Variants in TMEM178B observed in about 807,000 individuals in gnomAD.
The protein encoded by TMEM178B is transmembrane protein 178B.
TMEM178B carries 5 observed loss-of-function variants against 31.0 expected under a neutral mutation model. The ratio of observed to expected loss-of-function variants is 0.16; its 90% CI spans 0.08 to 0.34. The LOEUF is 0.34. Among genes scored for constraint, TMEM178B ranks in the 10% least tolerant of loss-of-function variants. The pLI, the probability that TMEM178B is intolerant of heterozygous loss-of-function variation, is 1.00. For synonymous variants in TMEM178B, 164 were observed against 164.0 expected (o/e 1.00, Z 0.00); for missense variants, 275 against 400.3 (o/e 0.69, Z 2.67).
intron 2 of TMEM178B, among the ~76,000 whole-genome samples, chr7:141,371,205 A>T (rs1198404276): frequency 6.6e-6 from 1 of 152,162 alleles, no homozygotes; most frequent in East Asian, 1.9e-4. Flanking sequence ...AGGTGCTCGC[A>T]TTATGGGCTG....
rs547178936 is a variant in TMEM178B, at chr7:141,305,516, C to T, written c.496+92812C>T. On this transcript the variant is annotated intron_variant, in intron 2 of 3. Transcript: ENST00000565468. ...GATCTCGGCTCACTTCAACCCCCGC[C>T]TCCAGGATTCAAGCAATTCTCCTGC... Among the ~76,000 whole-genome samples the T allele has an allele frequency of 6.2e-4, 94 of 152,192 alleles. 1 individual carries two copies. The South Asian group carries it at 0.019, about 30-fold the overall frequency.
At chr7:141,165,662 C>A (rs2129182173) in intron 1 of TMEM178B, among the ~76,000 whole-genome samples, 1 of 152,306 alleles carries the variant, frequency 6.6e-6, no homozygotes. Context: ...AGGCATGTTC[C>A]TGGAAGTTCA....
chr7:141,160,441 A>G (rs909954117), intron 1 of TMEM178B, among the ~76,000 whole-genome samples: 1 of 152,168 alleles, frequency 6.6e-6, no homozygotes, highest in African/African-American at 2.4e-5. Flanking sequence ...TTGGCAGGTC[A>G]CTGCCTCCTC....
chr7:141,419,345 C>G (rs1423674870), intron 2 of TMEM178B, among the ~76,000 whole-genome samples: 2 of 152,210 alleles, frequency 1.3e-5, no homozygotes, highest in Non-Finnish European at 2.9e-5. Flanking sequence ...TTTTCCCCAT[C>G]ATCCAAACCA....
chr7:141,292,274 T>G (rs183507739), intron 2 of TMEM178B, among the ~76,000 whole-genome samples: 155 of 152,394 alleles, frequency 1.0e-3, no homozygotes, highest in Non-Finnish European at 1.1e-3. Context: ...TCTCCCCTCC[T>G]TCTCAACCTA....
At chr7:141,175,927 TTCC>T (rs1446342463) in intron 1 of TMEM178B, among the ~76,000 whole-genome samples, 1 of 152,192 alleles carries the variant, frequency 6.6e-6, no homozygotes, top group African/African-American at 2.4e-5. Context: ...ACTTCCTCTT[TTCC>T]TACTTGAATA....
chr7:141,402,110 G>A (rs949376197), intron 2 of TMEM178B, among the ~76,000 whole-genome samples: 1 of 152,188 alleles, frequency 6.6e-6, no homozygotes, highest in Non-Finnish European at 1.5e-5. Context: ...AAAGAAGGGT[G>A]AGCAACAGTC....
chr7:141,465,143 G>A (rs949730915), intron 3 of TMEM178B, among the ~76,000 whole-genome samples: 1 of 152,192 alleles, frequency 6.6e-6, no homozygotes, highest in African/African-American at 2.4e-5. Context: ...TCCTGCTGGG[G>A]AGAGCAGGAC....
chr7:141,337,367 A>G (rs1586900240), intron 2 of TMEM178B, among the ~76,000 whole-genome samples: 2 of 148,106 alleles, frequency 1.4e-5, no homozygotes, highest in Non-Finnish European at 1.5e-5. Context: ...CCACCCCACT[A>G]CCACTGCCAC....
intron 2 of TMEM178B, among the ~76,000 whole-genome samples, chr7:141,293,029 C>T (rs1316709581): frequency 6.6e-6 from 1 of 152,102 alleles, no homozygotes; most frequent in East Asian, 1.9e-4. Context: ...CAAAAGGGTC[C>T]TGTGAAATAA....
the TMEM178B span, among the ~76,000 whole-genome samples, chr7:141,485,537 A>G: frequency 1.5e-3 from 236 of 152,354 alleles, no homozygotes; most frequent in African/African-American, 5.4e-3. Context: ...TAGATACCAT[A>G]TAAGTATTTA....
intron 2 of TMEM178B, among the ~76,000 whole-genome samples, chr7:141,215,912 CTTT>C (rs769869162): frequency 3.7e-5 from 1 of 26,796 alleles, no homozygotes; most frequent in Non-Finnish European, 1.3e-4. Flanking sequence ...TTCTTTCTTT[CTTT>C]TTTTTTTTTT....
At chr7:141,496,626 C>T in the TMEM178B span, among the ~76,000 whole-genome samples, 18 of 139,160 alleles carry the variant, frequency 1.3e-4, no homozygotes, top group Non-Finnish European at 2.3e-4. Flanking sequence ...GCCGAGATCC[C>T]GCCACTGCAC....
chr7:141,175,379 T>G (rs2129183240), intron 1 of TMEM178B, among the ~76,000 whole-genome samples: 1 of 152,326 alleles, frequency 6.6e-6, no homozygotes, highest in East Asian at 1.9e-4. Flanking sequence ...GTAGTATAGT[T>G]TGACATCAGG....
At chr7:141,486,960 G>A in the TMEM178B span, among the ~76,000 whole-genome samples, 1 of 152,166 alleles carries the variant, frequency 6.6e-6, no homozygotes, top group South Asian at 2.1e-4. Context: ...AGAAGGAGAT[G>A]AGGGTATGGG....
chr7:141,112,742 GCT>G (rs1563091079), intron 1 of TMEM178B, among the ~76,000 whole-genome samples: 1 of 152,120 alleles, frequency 6.6e-6, no homozygotes, highest in African/African-American at 2.4e-5. Flanking sequence ...AAAGAGTGGC[GCT>G]CTCTCTTTTT....
Position 141,074,320 on chromosome 7 carries a change from G to C in TMEM178B, c.10G>C (p.Gly4Arg), listed in dbSNP as rs2129169989. Residue 4 changes from glycine to arginine, a missense_variant, in exon 1 of 4, where the codon GGA becomes CGA. Gly to Arg is a moderately radical substitution (Grantham distance 125, BLOSUM62 -2). Transcript: ENST00000565468. This position sits in a 1 kb window ranked among gnomAD's most constrained non-coding sequence, Gnocchi z 5.1. The part of the protein sequence containing the change: MAA[G>R]RLLLYTGLSL... The stretch of plus-strand genomic sequence containing the variant: ...GCCGCCAAGCGGAGGCATGGCTGCC[G>C]GAAGGTTACTGCTCTACACTGGCCT... The C allele has an allele frequency of 6.6e-7, 1 of 1,517,140 alleles. No homozygotes were observed. Among genetic ancestry groups the C allele is most frequent in the Non-Finnish European group, 8.8e-7 (1 of 1,133,876 alleles). The allele number at this position is 1,517,140 out of a possible 1,614,324, so 94.0% of individuals were successfully genotyped here.
At chr7:141,230,386 T>TA (rs937696026) in intron 2 of TMEM178B, among the ~76,000 whole-genome samples, 8 of 152,338 alleles carry the variant, frequency 5.3e-5, no homozygotes, top group Admixed American at 4.6e-4. Flanking sequence ...ATTTGATTGA[T>TA]AAAAAAAGTT....
chr7:141,287,292 A>T (rs1404329551), intron 2 of TMEM178B, among the ~76,000 whole-genome samples: 1 of 151,872 alleles, frequency 6.6e-6, no homozygotes, highest in Non-Finnish European at 1.5e-5. Context: ...AGTGGATAGG[A>T]CTCTATACTG....
Sources: gnomAD v4.1 joint callset for allele counts (sites outside exome capture counted in the v4.1 genomes callset) on GRCh38, gnomAD v4.1.1 for gene constraint, Gnocchi (gnomAD v3.1) non-coding constraint, MANE v1.5 for transcripts, NCBI Gene and HGNC (gene_info 2026-07-23, HGNC 2026-07-21) for gene names.